Variants in ARHGAP26 observed in about 807,000 individuals in gnomAD.
ARHGAP26 encodes Rho GTPase activating protein 26, also known as rho GTPase-activating protein 26.
Under a neutral mutation model 104.8 loss-of-function variants are expected in ARHGAP26, and 38 were observed. The observed-to-expected ratio is 0.36, with a 90% CI of 0.28 to 0.48. The LOEUF (loss-of-function observed/expected upper bound fraction) is 0.48. Among genes scored for constraint, ARHGAP26 ranks in the 20% least tolerant of loss-of-function variants. ARHGAP26 has a pLI of 0.99. For synonymous variants in ARHGAP26, 341 were observed against 340.0 expected, an observed-to-expected ratio of 1.00 and a Z score of -0.03; for missense variants, 704 against 947.9, an observed-to-expected ratio of 0.74 and a Z score of 3.38.
intron 20 of ARHGAP26, among the ~76,000 whole-genome samples, chr5:143,149,122 T>C (rs1338113108): frequency 6.6e-6 from 1 of 152,142 alleles, no homozygotes; most frequent in South Asian, 2.1e-4. Context: ...CATAACATCC[T>C]GGGAATCGCT....
At chr5:142,909,861 C>G (rs1761590210) in intron 9 of ARHGAP26, among the ~76,000 whole-genome samples, 1 of 152,074 alleles carries the variant, frequency 6.6e-6, no homozygotes, top group Admixed American at 6.6e-5. Flanking sequence ...TTATCTTGGG[C>G]TTTCTCAGAC....
In ARHGAP26 at chr5:143,134,081, C is replaced by A. The variant is rs1185101939; in HGVS notation, c.1813C>A (p.His605Asn). ...SCSERPLTLF[H>N]TVQSTEKQEQ... ...CAGCGAGAGGCCCCTGACGCTCTTC[C>A]ACACCGTTCAGTCAACAGAGAAACG... Residue 605 changes from histidine (H) to asparagine (N), a missense_variant, in exon 19 of 23, where the codon CAC (histidine) becomes AAC (asparagine). His to Asn is a moderately conservative substitution (Grantham distance 68). This residue lies in a region of ARHGAP26 where 217 missense variants were observed against 242.6 expected (regional missense o/e 0.89). Transcript: ENST00000645722. 1 of 1,611,398 alleles carries A rather than the reference C, an allele frequency of 6.2e-7. No individual in the cohort carries two copies. The highest frequency in any genetic ancestry group is 8.5e-7 in the Non-Finnish European group (1 of 1,178,666).
At chr5:142,939,024 C>G (rs932936752) in intron 11 of ARHGAP26, among the ~76,000 whole-genome samples, 1 of 152,204 alleles carries the variant, frequency 6.6e-6, no homozygotes, top group Non-Finnish European at 1.5e-5. Context: ...GAAATCACCA[C>G]TCTTGTAGGT....
chr5:142,938,902 G>T (rs1765840950), intron 11 of ARHGAP26, among the ~76,000 whole-genome samples: 1 of 152,164 alleles, frequency 6.6e-6, no homozygotes, highest in South Asian at 2.1e-4. Context: ...AATCTCTTTC[G>T]ACAGCCACAA....
intron 17 of ARHGAP26, among the ~76,000 whole-genome samples, chr5:143,105,803 G>A (rs1335841489): frequency 6.6e-6 from 1 of 152,186 alleles, no homozygotes; most frequent in Admixed American, 6.5e-5. Context: ...CTGCACCGGG[G>A]CGTTATGGGA....
intron 17 of ARHGAP26, among the ~76,000 whole-genome samples, chr5:143,098,665 T>A (rs1467211521): frequency 6.6e-6 from 1 of 152,214 alleles, no homozygotes. Context: ...AGATTGGACT[T>A]GAATCATGGA....
At chr5:142,920,770 A>G (rs1183475717) in intron 10 of ARHGAP26, among the ~76,000 whole-genome samples, 1 of 152,174 alleles carries the variant, frequency 6.6e-6, no homozygotes, top group Admixed American at 6.5e-5. Flanking sequence ...CTTACCTTTG[A>G]GTTTGGAATG....
chr5:142,810,520 A>AT, intron 1 of ARHGAP26, among the ~76,000 whole-genome samples: 1 of 152,058 alleles, frequency 6.6e-6, no homozygotes, highest in South Asian at 2.1e-4. Flanking sequence ...GTAGTCATTT[A>AT]TTAAGGGATT....
At chr5:143,096,164 A>G (rs1203628195) in intron 17 of ARHGAP26, among the ~76,000 whole-genome samples, 1 of 152,236 alleles carries the variant, frequency 6.6e-6, no homozygotes. Context: ...CTTAGCCTAC[A>G]TTGCTCATTT....
intron 17 of ARHGAP26, among the ~76,000 whole-genome samples, chr5:143,116,445 T>G (rs1795455729): frequency 6.6e-6 from 1 of 152,218 alleles, no homozygotes; most frequent in Non-Finnish European, 1.5e-5. Flanking sequence ...ATGAAACTTA[T>G]CTCCAAACCC....
At chr5:142,782,059 A>G (rs532261091) in intron 1 of ARHGAP26, among the ~76,000 whole-genome samples, 2 of 152,186 alleles carry the variant, frequency 1.3e-5, no homozygotes, top group Non-Finnish European at 2.9e-5. Flanking sequence ...GTGGATGAAG[A>G]GAACACATAG....
chr5:143,079,424 G>A (rs1259813046), intron 17 of ARHGAP26, among the ~76,000 whole-genome samples: 5 of 152,118 alleles, frequency 3.3e-5, no homozygotes, highest in Admixed American at 6.6e-5. Flanking sequence ...CTTTGTAGTC[G>A]GCACGGGAGA....
intron 11 of ARHGAP26, among the ~76,000 whole-genome samples, chr5:142,973,042 G>T (rs1772509510): frequency 6.6e-6 from 1 of 151,778 alleles, no homozygotes; most frequent in Non-Finnish European, 1.5e-5. Flanking sequence ...TGTTAATAAG[G>T]ATTGATTTGG....
At chr5:143,214,176 C>A in intron 22 of ARHGAP26, 88 bp downstream of exon 22, 1 of 856,354 alleles carries the variant, frequency 1.2e-6, no homozygotes, top group Admixed American at 2.1e-5. Context: ...AAGCTCCTCC[C>A]GAGGGAAAAT....
At chr5:143,082,244 T>C (rs1233193592) in intron 17 of ARHGAP26, among the ~76,000 whole-genome samples, 1 of 152,140 alleles carries the variant, frequency 6.6e-6, no homozygotes, top group African/African-American at 2.4e-5. Flanking sequence ...ACAATAATTA[T>C]GTCACCCTGG....
chr5:143,040,637 G>A (rs971103278), intron 13 of ARHGAP26, among the ~76,000 whole-genome samples: 2 of 152,234 alleles, frequency 1.3e-5, no homozygotes, highest in African/African-American at 4.8e-5. Context: ...AACAGGGTAA[G>A]GGAATGACCA....
At chr5:143,080,479 G>C (rs1339068844) in intron 17 of ARHGAP26, among the ~76,000 whole-genome samples, 1 of 152,198 alleles carries the variant, frequency 6.6e-6, no homozygotes, top group African/African-American at 2.4e-5. Flanking sequence ...TCTCTGAGGA[G>C]GTAGCATTTA....
At chr5:142,865,627 C>T (rs1314032339) in intron 1 of ARHGAP26, among the ~76,000 whole-genome samples, 1 of 152,090 alleles carries the variant, frequency 6.6e-6, no homozygotes, top group Non-Finnish European at 1.5e-5. Flanking sequence ...TGTGGTTGCA[C>T]ATTCTCATAG....
chr5:143,141,768 A>G (rs558350724), intron 19 of ARHGAP26, among the ~76,000 whole-genome samples: 1 of 152,344 alleles, frequency 6.6e-6, no homozygotes, highest in South Asian at 2.1e-4. Context: ...TGTGAGTAAT[A>G]CAGTGTCCAT....
Sources: allele counts gnomAD v4.1 joint callset (sites outside exome capture counted in the v4.1 genomes callset), GRCh38; gene constraint gnomAD v4.1.1; regional missense constraint gnomAD v4.1.1; transcripts MANE v1.5; gene names NCBI Gene and HGNC (gene_info 2026-07-23, HGNC 2026-07-21).